Variants in PCDHA5 observed in about 807,000 individuals in gnomAD.
PCDHA5 encodes the protein protocadherin alpha 5, also known as protocadherin alpha-5.
PCDHA5 carries 43 observed loss-of-function variants against 61.6 expected under a neutral mutation model. That is an observed-to-expected ratio of 0.70 (90% CI 0.55 to 0.90). The LOEUF (loss-of-function observed/expected upper bound fraction) is 0.90, where lower values mean the gene tolerates loss of function less well. Among genes scored for constraint, PCDHA5 ranks in the 40% least tolerant of loss-of-function variants. PCDHA5 has a pLI of 0.00. For synonymous variants in PCDHA5, 627 were observed against 543.9 expected (o/e 1.15, Z -2.13); for missense variants, 1,298 against 1,222.7 (o/e 1.06, Z -0.92).
intron 1 of PCDHA5, among the ~76,000 whole-genome samples, chr5:140,966,046 G>A (rs1329363755): frequency 6.6e-6 from 1 of 152,212 alleles, no homozygotes. Context: ...CCCATCGCCA[G>A]TAACCCCAGA....
At chr5:140,969,761 T>C (rs886878870) in intron 1 of PCDHA5, among the ~76,000 whole-genome samples, 1 of 152,234 alleles carries the variant, frequency 6.6e-6, no homozygotes, top group African/African-American at 2.4e-5. Flanking sequence ...TAAAAAGCTC[T>C]GAGGCCTCTA....
chr5:140,966,435 C>G (rs1554228292), intron 1 of PCDHA5: 5 of 423,758 alleles, frequency 1.2e-5, no homozygotes, highest in African/African-American at 1.0e-4. Context: ...GCCCTCCTAC[C>G]GCTCCCTTTC....
intron 1 of PCDHA5, among the ~76,000 whole-genome samples, chr5:140,944,665 A>G (rs782357699): frequency 1.1e-4 from 17 of 152,138 alleles, no homozygotes; most frequent in Non-Finnish European, 2.5e-4. Flanking sequence ...CCCCTTATTT[A>G]TCTATTCTGT....
At chr5:140,842,603 C>CG in intron 1 of PCDHA5, 2 of 1,548,222 alleles carry the variant, frequency 1.3e-6, no homozygotes, top group Non-Finnish European at 1.8e-6. Flanking sequence ...GGTAACCGCG[C>CG]GGGACGGGGG....
chr5:140,899,259 G>C (rs2067235630), intron 1 of PCDHA5, among the ~76,000 whole-genome samples: 1 of 152,126 alleles, frequency 6.6e-6, no homozygotes, highest in African/African-American at 2.4e-5. Context: ...GGGCATCCCT[G>C]TCTTGTGGCA....
rs183711966 is a variant in PCDHA5 at position 140,861,816 on chromosome 5, C to G, written c.2352+37689C>G. 643 of 159,770 alleles carry G rather than the reference C, an allele frequency of 4.0e-3. 2 individuals carry two copies. The highest frequency in any genetic ancestry group is 5.6e-3 in the Non-Finnish European group (413 of 73,346). 9.9% of individuals were successfully genotyped at this position (159,770 alleles called of 1,614,324 possible). A position where few individuals can be genotyped will look rare whatever the true frequency, so the allele number is the denominator to read the frequency against. On this transcript the variant is annotated intron_variant, in intron 1 of 3. Coordinates refer to ENST00000529859, the MANE Select transcript of PCDHA5 (RefSeq NM_018908.3). ...TGAAGGTGTATTTTAAAAATTCTTT[C>G]AGATAGGTAAGTCACTTCAGAGCTA...
chr5:140,875,028 G>C (rs1321534427), intron 1 of PCDHA5, among the ~76,000 whole-genome samples: 1 of 152,198 alleles, frequency 6.6e-6, no homozygotes, highest in Non-Finnish European at 1.5e-5. Flanking sequence ...CTGGCCTACT[G>C]TATTTGAAAG....
chr5:140,869,939 A>T (rs377186222), intron 1 of PCDHA5: 5 of 1,612,014 alleles, frequency 3.1e-6, no homozygotes, highest in Non-Finnish European at 4.2e-6. Flanking sequence ...GAGGTAACAT[A>T]CTCCTTAATG....
chr5:140,875,738 G>A (rs1197047985), intron 1 of PCDHA5: 2 of 1,614,204 alleles, frequency 1.2e-6, no homozygotes, highest in Non-Finnish European at 1.7e-6. Context: ...GTGAATTCTC[G>A]GATCGACCGC....
chr5:140,986,401 C>T (rs782437347), intron 3 of PCDHA5, among the ~76,000 whole-genome samples: 1 of 152,172 alleles, frequency 6.6e-6, no homozygotes. Context: ...GCCAGTCGCT[C>T]ATGTTACAGC....
intron 1 of PCDHA5, chr5:140,967,556 G>A (rs1586226034): frequency 6.2e-7 from 1 of 1,614,030 alleles, no homozygotes; most frequent in East Asian, 2.2e-5. Context: ...CACTTATCGC[G>A]TCCAGCTACG....
At chr5:140,897,307 A>G (rs2065987327) in intron 1 of PCDHA5, among the ~76,000 whole-genome samples, 2 of 148,058 alleles carry the variant, frequency 1.4e-5, no homozygotes, top group African/African-American at 2.5e-5. Context: ...AGCATTAGGT[A>G]TATCTCCTAA....
chr5:140,835,485 G>C (rs371322976), intron 1 of PCDHA5: 7 of 1,613,778 alleles, frequency 4.3e-6, no homozygotes, highest in Non-Finnish European at 5.9e-6. Flanking sequence ...ACCAGGTACC[G>C]TCATCACATT....
intron 1 of PCDHA5, chr5:140,867,929 GTTT>G (rs1459004552): frequency 6.6e-6 from 1 of 151,990 alleles, no homozygotes; most frequent in Non-Finnish European, 1.5e-5. Context: ...CACTTCCCTT[GTTT>G]TCCATGAACT....
chr5:140,973,666 A>G (rs531003588), intron 1 of PCDHA5, among the ~76,000 whole-genome samples: 8 of 152,322 alleles, frequency 5.3e-5, no homozygotes, highest in African/African-American at 1.9e-4. Flanking sequence ...TATTTATTGT[A>G]GCTTGAATGT....
chr5:140,836,951 G>GT, intron 1 of PCDHA5: 1 of 428,426 alleles, frequency 2.3e-6, no homozygotes, highest in Non-Finnish European at 4.0e-6. Context: ...AAAATCTATG[G>GT]TTTATGTTGG....
chr5:140,871,060 C>T (rs782751973), intron 1 of PCDHA5: 4 of 1,613,210 alleles, frequency 2.5e-6, no homozygotes, highest in Non-Finnish European at 3.4e-6. Context: ...GGTGAAGGAT[C>T]ACGGTGAGCC....
intron 1 of PCDHA5, chr5:140,829,865 G>A: frequency 6.2e-7 from 1 of 1,613,946 alleles, no homozygotes; most frequent in Non-Finnish European, 8.5e-7. Context: ...CCAAGTGGTG[G>A]CGAAGGTGCG....
chr5:140,868,090 T>C (rs2050270367), intron 1 of PCDHA5: 2 of 152,144 alleles, frequency 1.3e-5, no homozygotes, highest in Non-Finnish European at 2.9e-5. Flanking sequence ...TTTTATAAAA[T>C]GATAATAAAA....
Sources: gnomAD v4.1 joint callset for allele counts (sites outside exome capture counted in the v4.1 genomes callset) on GRCh38, gnomAD v4.1.1 for gene constraint, MANE v1.5 for transcripts, NCBI Gene and HGNC (gene_info 2026-07-23, HGNC 2026-07-21) for gene names.